Variants in NIN observed in about 807,000 individuals in gnomAD.
The protein encoded by NIN is glycogen synthase kinase 3 beta-interacting protein.
A neutral mutation model predicts 257.6 loss-of-function variants in NIN; 137 were observed. The ratio of observed to expected loss-of-function variants is 0.53; its 90% confidence interval spans 0.46 to 0.61. The LOEUF (loss-of-function observed/expected upper bound fraction) is 0.61, where lower values mean the gene tolerates loss of function less well. Ranked by LOEUF, NIN falls within the 20% of genes least tolerant of loss-of-function variation. NIN has a pLI of 0.00. For missense variants in NIN, 2,439 were observed against 2,501.2 expected, an observed-to-expected ratio of 0.98 and a Z score of 0.53; for synonymous variants, 918 against 919.8, an observed-to-expected ratio of 1.00 and a Z score of 0.04.
upstream of NIN, among the ~76,000 whole-genome samples, chr14:50,831,279 C>T (rs2045698573): frequency 6.6e-6 from 1 of 151,932 alleles, no homozygotes. Flanking sequence ...TGAGCCCTCG[C>T]AGACGCGCCC....
At chr14:50,785,259 G>A (rs1040182050) in intron 5 of NIN, among the ~76,000 whole-genome samples, 3 of 152,232 alleles carry the variant, frequency 2.0e-5, no homozygotes, top group Admixed American at 1.3e-4. Flanking sequence ...CCCCAACGCC[G>A]GGCCAGCATC....
In NIN at chr14:50,759,981, T is replaced by C; in HGVS notation, c.2275A>G (p.Thr759Ala). 6.2e-7 allele frequency: 1 copy of C among 1,614,180 alleles called. No individual in the cohort carries two copies. Among genetic ancestry groups the C allele is most frequent in the Non-Finnish European group, 8.5e-7 (1 of 1,180,030 alleles). The change falls in exon 17 of 31, where the codon ACT becomes GCT. Residue 759 changes from threonine to alanine, a missense_variant. By Grantham distance (58) the Thr-to-Ala change is moderately conservative. This residue lies in a region of NIN where 2,043 missense variants were observed against 2,050.2 expected (regional missense o/e 1.00). Transcript: ENST00000530997. ...AWTEEKVRGL[T>A]QELEQFHQEQ... Reference sequence around the variant, plus strand: ...TGGTGAAACTGCTCTAGTTCCTGAGTCAAGCCTCTCACCTTCTCTTCTGTC... The same window carrying C: ...TGGTGAAACTGCTCTAGTTCCTGAGCCAAGCCTCTCACCTTCTCTTCTGTC...
At chr14:50,803,210 C>A (rs1001024956) in intron 4 of NIN, among the ~76,000 whole-genome samples, 6 of 152,122 alleles carry the variant, frequency 3.9e-5, no homozygotes, top group African/African-American at 1.4e-4. Flanking sequence ...AAAAATGAGC[C>A]AGGCGTAGTG....
chr14:50,728,115 G>C (rs1314560347), intron 29 of NIN, among the ~76,000 whole-genome samples: 1 of 151,660 alleles, frequency 6.6e-6, no homozygotes, highest in African/African-American at 2.4e-5. Context: ...GGAGGAAAAG[G>C]ATATTTTTTT....
chr14:50,760,171 G>A lies in NIN; in HGVS notation c.2085C>T (p.Cys695=). The stretch of plus-strand genomic sequence containing the variant: ...GTTGTTTTTTCTCCTCCTCATGCCT[G>A]CAAGTGGCCTCATGATGTGCCTCCT... ...VLKEAHHEAT[C]RHEEEKKQLQ... Residue 695 remains cysteine (C), a synonymous_variant, in exon 17 of 31, where the codon TGC becomes TGT. Transcript: ENST00000530997. 1 of 1,614,090 alleles carries A rather than the reference G, an allele frequency of 6.2e-7. No homozygotes were observed. Among genetic ancestry groups the A allele is most frequent in the Non-Finnish European group, 8.5e-7 (1 of 1,180,028 alleles).
chr14:50,742,133 G>A (rs2041313368), intron 24 of NIN: 1 of 155,286 alleles, frequency 6.4e-6, no homozygotes, highest in South Asian at 2.0e-4. Context: ...CCTATTCTAG[G>A]CTAGGCATGG....
chr14:50,825,325 T>G (rs895096945), intron 2 of NIN, among the ~76,000 whole-genome samples: 1 of 152,190 alleles, frequency 6.6e-6, no homozygotes, highest in Non-Finnish European at 1.5e-5. Flanking sequence ...TAAACATCAT[T>G]ATATAACTAA....
intron 21 of NIN, among the ~76,000 whole-genome samples, chr14:50,749,074 C>T (rs557491806): frequency 2.6e-5 from 4 of 152,270 alleles, no homozygotes; most frequent in Admixed American, 1.3e-4. Context: ...TACAAGGCTA[C>T]AGTAACCAAA....
chr14:50,720,175 G>A lies in NIN; in HGVS notation c.*3288C>T, dbSNP rs1432049764. On this transcript the variant is annotated 3_prime_UTR_variant, in exon 31 of 31. Transcript: ENST00000530997. ...CAAACATGATGATTTTTAAATGAGT[G>A]CTTTGGTTAATTAGGCTTTGACTTG... is the stretch of plus-strand genomic sequence containing the variant. 4.5e-6 allele frequency: 1 copy of A among 223,004 alleles called. No individual in the cohort carries two copies. Among genetic ancestry groups the A allele is most frequent in the Admixed American group, 5.7e-5 (1 of 17,472 alleles). 13.8% of individuals were successfully genotyped at this position (223,004 alleles called of 1,614,324 possible).
At chr14:50,744,956 G>C (rs2041470618) in intron 22 of NIN, among the ~76,000 whole-genome samples, 1 of 151,944 alleles carries the variant, frequency 6.6e-6, no homozygotes, top group South Asian at 2.1e-4. Flanking sequence ...CCTAGAATTG[G>C]CATGAACCAC....
At chr14:50,751,485 C>T (rs200487730) in intron 21 of NIN, among the ~76,000 whole-genome samples, 1 of 106,196 alleles carries the variant, frequency 9.4e-6, no homozygotes, top group Non-Finnish European at 1.9e-5. Context: ...AGAAATTATA[C>T]AAGTGTTGTT....
At chr14:50,807,257 A>C (rs369329520) in intron 3 of NIN, among the ~76,000 whole-genome samples, 3 of 152,202 alleles carry the variant, frequency 2.0e-5, no homozygotes, top group East Asian at 3.8e-4. Context: ...CTGTCTTTTG[A>C]GGATGACTTG....
intron 12 of NIN, among the ~76,000 whole-genome samples, chr14:50,769,550 T>C (rs1353407220): frequency 6.6e-6 from 1 of 151,934 alleles, no homozygotes; most frequent in African/African-American, 2.4e-5. Flanking sequence ...TAGGCTGGAG[T>C]CCAGTGGCAC....
At position 50,778,788 on chromosome 14, in the gene NIN, C is replaced by A; in HGVS notation, c.452G>T (p.Arg151Leu). Residue 151 changes from arginine (R) to leucine (L), a missense_variant, in exon 6 of 31, where the codon CGC becomes CTC. Around this residue, in one of 3 missense-constraint regions of NIN, gnomAD observed 387 missense variants for 427.3 expected, o/e 0.91. Transcript: ENST00000530997. ...ACCTTCCGCTTCATACTCCTCACTG[C>A]GTTGCGTCTTCCAGTGCTAGAGAAG... ...GDCSEHWKTQ[R>L]SEEYEAEGQL... is the part of the protein sequence containing the mutation. 1 of 1,614,100 alleles carries A rather than the reference C, an allele frequency of 6.2e-7. No homozygotes were observed. The highest frequency in any genetic ancestry group is 1.3e-5 in the African/African-American group (1 of 75,050).
chr14:50,729,108 C>G (rs73295438), intron 29 of NIN, among the ~76,000 whole-genome samples: 1 of 152,202 alleles, frequency 6.6e-6, no homozygotes, highest in Non-Finnish European at 1.5e-5. Flanking sequence ...GATACTTCAT[C>G]GTTTATTACA....
intron 17 of NIN, among the ~76,000 whole-genome samples, chr14:50,759,448 T>C (rs1441739507): frequency 6.6e-6 from 1 of 151,626 alleles, no homozygotes; most frequent in Non-Finnish European, 1.5e-5. Flanking sequence ...ACTCAATCAA[T>C]GGGCTATTAT....
intron 28 of NIN, among the ~76,000 whole-genome samples, chr14:50,734,575 A>G (rs940214977): frequency 6.6e-6 from 1 of 152,236 alleles, no homozygotes; most frequent in Admixed American, 6.5e-5. Flanking sequence ...GGATGTACAC[A>G]TAAGTTTGTT....
chr14:50,752,688 T>C lies in NIN; in HGVS notation c.4780A>G (p.Thr1594Ala), dbSNP rs2041838598. 2 of 1,609,746 alleles carry C rather than the reference T, an allele frequency of 1.2e-6. No individual in the cohort carries two copies. Among genetic ancestry groups the C allele is most frequent in the African/African-American group, 2.7e-5 (2 of 74,754 alleles). The change falls in exon 21 of 31, where the codon ACA becomes GCA. Residue 1594 changes from threonine (T) to alanine (A), a missense_variant. Physicochemically the swap from Thr to Ala is moderately conservative, Grantham distance 58 (BLOSUM62 0). Transcript: ENST00000530997. ...TGAGAGTTCTTTTGGCTAAGTTCTG[T>C]ATTTTCCAAATCCAATTGTTGGTTT... ...IKNQQLDLEN[T>A]ELSQKNSQNQ... is the part of the protein sequence containing the mutation.
At chr14:50,812,930 T>G (rs969628975) in intron 3 of NIN, among the ~76,000 whole-genome samples, 7 of 152,196 alleles carry the variant, frequency 4.6e-5, no homozygotes, top group African/African-American at 1.4e-4. Context: ...GCCCAAACCA[T>G]TAGAGCAGCT....
Sources: allele counts gnomAD v4.1 joint callset (sites outside exome capture counted in the v4.1 genomes callset), GRCh38; gene constraint gnomAD v4.1.1; regional missense constraint gnomAD v4.1.1; transcripts MANE v1.5; gene names NCBI Gene and HGNC (gene_info 2026-07-23, HGNC 2026-07-21).